The following RHOD variants were observed in gnomAD, a reference collection of about 807,000 sequenced individuals.
RHOD encodes rho-related GTP-binding protein RhoD.
In RHOD, 11 loss-of-function variants were observed where a neutral mutation model predicts 16.7. The ratio of observed to expected loss-of-function variants is 0.66; its 90% CI spans 0.41 to 1.09. The LOEUF (loss-of-function observed/expected upper bound fraction) is 1.09, where lower values mean the gene tolerates loss of function less well. RHOD is among the 50% of genes least tolerant of loss of function. The pLI, the probability that RHOD is intolerant of heterozygous loss-of-function variation, is 0.00. For missense variants in RHOD, 271 were observed against 291.7 expected, an observed-to-expected ratio of 0.93 and a Z score of 0.52; for synonymous variants, 124 against 126.3, an observed-to-expected ratio of 0.98 and a Z score of 0.12.
At position 67,065,962 on chromosome 11, in the gene RHOD, C is replaced by T. The variant is rs748928002; in HGVS notation, c.199C>T (p.Leu67Phe). 2 of 1,613,134 alleles carry T rather than the reference C, an allele frequency of 1.2e-6. No homozygotes were observed. The highest frequency in any genetic ancestry group is 1.7e-6 in the Non-Finnish European group (2 of 1,179,202). Residue 67 changes from leucine (L) to phenylalanine (F), a missense_variant, in exon 2 of 5, where the codon CTC (leucine) becomes TTC (phenylalanine). Leu to Phe is a conservative substitution (Grantham distance 22). Coordinates refer to ENST00000308831, the MANE Select transcript of RHOD (RefSeq NM_014578.4). ...GCAAGTGAAAGGCAAACCTGTGCAC[C>T]TCCACATCTGGGACACAGCAGGTGG... ...NLQVKGKPVH[L>F]HIWDTAGQDD... is the part of the protein sequence containing the mutation.
Position 67,062,379 on chromosome 11 carries a change from C to T in RHOD, c.133-3517C>T, listed in dbSNP as rs973559361. On this transcript the variant is annotated intron_variant, in intron 1 of 4. Transcript: ENST00000308831. The stretch of plus-strand genomic sequence containing the variant: ...ATATCTAAACCTAAAGCTAGTGCTC[C>T]TAGCTACCAGGTCACACTGCCCTGG... Among the ~76,000 whole-genome samples the T allele has an allele frequency of 5.3e-5, 8 of 152,318 alleles. No individual in the cohort carries two copies. The East Asian group carries it at 1.4e-3, about 26-fold the overall frequency.
intron 1 of RHOD, among the ~76,000 whole-genome samples, chr11:67,058,853 A>AT (rs1854852185): frequency 6.6e-6 from 1 of 152,016 alleles, no homozygotes; most frequent in Admixed American, 6.5e-5. Context: ...CCAGTCATAC[A>AT]TTTTTTTAAG....
chr11:67,061,296 A>C (rs1313280322), intron 1 of RHOD, among the ~76,000 whole-genome samples: 1 of 151,922 alleles, frequency 6.6e-6, no homozygotes, highest in Non-Finnish European at 1.5e-5. Flanking sequence ...GGTCAGGAGG[A>C]GTCCAGCCTG....
In RHOD at chr11:67,066,857, G is replaced by T. The variant is rs749498037; in HGVS notation, c.330+10G>T. ...CAACATCTTTAACCGGGTAGGTACT[G>T]GGGGGCAGGGAGGCATAGCCCCCAT... On this transcript the variant is annotated intron_variant, in intron 3 of 4. Transcript: ENST00000308831. 5.1e-6 allele frequency: 8 copies of T among 1,580,572 alleles called. No individual in the cohort carries two copies. In the East Asian group the frequency reaches 6.7e-5, roughly 13 times the overall value.
intron 3 of RHOD, 85 bp from the exon 4 acceptor site, chr11:67,070,340 G>A (rs1420045656): frequency 7.1e-7 from 1 of 1,415,110 alleles, no homozygotes; most frequent in South Asian, 1.2e-5. Flanking sequence ...GCTCAGGCTG[G>A]GGAGCAAGAG....
intron 1 of RHOD, among the ~76,000 whole-genome samples, chr11:67,061,842 G>GTATA (rs1274852340): frequency 5.0e-5 from 7 of 141,250 alleles, no homozygotes; most frequent in Admixed American, 4.4e-4. Context: ...GTGTGTGTGT[G>GTATA]TGTATATATA....
At chr11:67,061,409 G>A (rs545642202) in intron 1 of RHOD, among the ~76,000 whole-genome samples, 12 of 152,222 alleles carry the variant, frequency 7.9e-5, no homozygotes, top group Middle Eastern at 6.8e-3. Context: ...GAGGCGGGTG[G>A]ATCACCTGAG....
rs373863772 is a variant in RHOD, at chr11:67,071,421, A to G, written c.466-14A>G. 8 of 1,573,042 alleles carry G rather than the reference A, an allele frequency of 5.1e-6. No individual in the cohort carries two copies. Among genetic ancestry groups the G allele is most frequent in the Non-Finnish European group, 6.9e-6 (8 of 1,159,696 alleles). On this transcript the variant is annotated splice_polypyrimidine_tract_variant and intron_variant, in intron 4 of 4. Coordinates refer to ENST00000308831, the MANE Select transcript of RHOD (RefSeq NM_014578.4). Reference sequence around the variant, plus strand: ...TGCCCCCTTCACCGCAGCCCCATCCACCTCTCCCTCTAGGGCCAGGAGATG... The same window carrying G: ...TGCCCCCTTCACCGCAGCCCCATCCGCCTCTCCCTCTAGGGCCAGGAGATG...
chr11:67,070,039 T>G (rs1342881068), intron 3 of RHOD, among the ~76,000 whole-genome samples: 1 of 152,086 alleles, frequency 6.6e-6, no homozygotes, highest in Non-Finnish European at 1.5e-5. Flanking sequence ...TTTTGCTCAG[T>G]TTGGTGGGTG....
intron 1 of RHOD, among the ~76,000 whole-genome samples, chr11:67,064,860 G>A (rs1357516911): frequency 6.6e-6 from 1 of 152,026 alleles, no homozygotes; most frequent in Non-Finnish European, 1.5e-5. Flanking sequence ...AGTGAGCTGT[G>A]GTGCCTGTGA....
intron 1 of RHOD, among the ~76,000 whole-genome samples, chr11:67,060,990 C>T (rs1854879719): frequency 6.6e-6 from 1 of 152,176 alleles, no homozygotes; most frequent in East Asian, 1.9e-4. Flanking sequence ...GTGTATTAGT[C>T]CATTTTCACA....
intron 1 of RHOD, among the ~76,000 whole-genome samples, chr11:67,058,846 G>A (rs1854852028): frequency 6.6e-6 from 1 of 152,164 alleles, no homozygotes; most frequent in Admixed American, 6.5e-5. Flanking sequence ...CCTTTGACCA[G>A]TCATACATTT....
intron 1 of RHOD, among the ~76,000 whole-genome samples, chr11:67,064,735 G>A (rs996780633): frequency 6.6e-6 from 1 of 152,106 alleles, no homozygotes; most frequent in Admixed American, 6.6e-5. Flanking sequence ...TCTAGGAAGG[G>A]GGGACAACAT....
Position 67,067,525 on chromosome 11 carries a change from G to A in RHOD, c.330+678G>A, listed in dbSNP as rs1055507824. On this transcript the variant is annotated intron_variant, in intron 3 of 4. Coordinates refer to ENST00000308831, the MANE Select transcript of RHOD (RefSeq NM_014578.4). ...TTATTATTCCCGGATCCAGTCACTC[G>A]TCCAAAGATACACATCTATTAAAGT... Among the ~76,000 whole-genome samples the A allele has an allele frequency of 4.6e-5, 7 of 152,138 alleles. 1 individual carries two copies. The highest frequency in any genetic ancestry group is 4.1e-4 in the South Asian group (2 of 4,832).
intron 1 of RHOD, among the ~76,000 whole-genome samples, chr11:67,063,522 G>A (rs1368498980): frequency 6.8e-6 from 1 of 147,290 alleles, no homozygotes; most frequent in Admixed American, 6.8e-5. Context: ...AAAAGGCCAG[G>A]CGTGGTGGCT....
rs185463261 is a variant in RHOD at position 67,062,001 on chromosome 11, C to G, written c.133-3895C>G. 4.6e-3 allele frequency among the ~76,000 whole-genome samples: 706 copies of G among 151,968 alleles called. 3 individuals carry two copies. Among genetic ancestry groups the G allele is most frequent in the African/African-American group, 0.016 (664 of 41,462 alleles). On this transcript the variant is annotated intron_variant, in intron 1 of 4. Coordinates refer to ENST00000308831, the MANE Select transcript of RHOD (RefSeq NM_014578.4). The stretch of plus-strand genomic sequence containing the variant: ...GACTCCGTCGAAAAAAAAAAATCTC[C>G]CTCACTATCACAAGAACAGCATGGG...
At chr11:67,059,124 G>T (rs1246878301) in intron 1 of RHOD, among the ~76,000 whole-genome samples, 1 of 152,184 alleles carries the variant, frequency 6.6e-6, no homozygotes, top group Non-Finnish European at 1.5e-5. Context: ...GGGACATGCT[G>T]GGGCTGGCCA....
chr11:67,061,739 TAAAA>T (rs1218968353), intron 1 of RHOD, among the ~76,000 whole-genome samples: 14 of 96,112 alleles, frequency 1.5e-4, no homozygotes, highest in Admixed American at 3.5e-4. Flanking sequence ...AGACCCTCTC[TAAAA>T]AAAAAAAAAA....
At chr11:67,061,197 C>T (rs1209992470) in intron 1 of RHOD, among the ~76,000 whole-genome samples, 2 of 152,108 alleles carry the variant, frequency 1.3e-5, no homozygotes, top group African/African-American at 2.4e-5. Flanking sequence ...CATCAGATCT[C>T]GTAAGAACTT....
Sources: allele counts gnomAD v4.1 joint callset (sites outside exome capture counted in the v4.1 genomes callset), GRCh38; gene constraint gnomAD v4.1.1; transcripts MANE v1.5; gene names NCBI Gene and HGNC (gene_info 2026-07-23, HGNC 2026-07-21).